The following TLL1 variants were observed in gnomAD, a reference collection of about 807,000 sequenced individuals.
TLL1 encodes the protein tolloid-like protein 1.
TLL1 carries 49 observed loss-of-function variants against 128.2 expected under a neutral mutation model. The observed-to-expected ratio is 0.38, with a 90% confidence interval of 0.30 to 0.48. The LOEUF is 0.48. TLL1 is among the 20% of genes least tolerant of loss of function. TLL1 has a pLI of 0.96. For synonymous variants in TLL1, 454 were observed against 418.8 expected (o/e 1.08, Z -1.03); for missense variants, 1,123 against 1,242.0 (o/e 0.90, Z 1.44).
chr4:166,013,421 G>A (rs1037105526), intron 7 of TLL1, among the ~76,000 whole-genome samples: 6 of 151,796 alleles, frequency 4.0e-5, no homozygotes, highest in Admixed American at 2.6e-4. Context: ...TTTAATGCAA[G>A]CGTTAGTTTA....
At chr4:165,996,062 T>C (rs1468008130) in intron 5 of TLL1, among the ~76,000 whole-genome samples, 1 of 152,208 alleles carries the variant, frequency 6.6e-6, no homozygotes, top group Non-Finnish European at 1.5e-5. Context: ...CATGATAGTT[T>C]TGATGCTTGG....
At chr4:165,994,136 T>A (rs941457404) in intron 3 of TLL1, among the ~76,000 whole-genome samples, 1 of 152,158 alleles carries the variant, frequency 6.6e-6, no homozygotes, top group African/African-American at 2.4e-5. Context: ...GGCTGTTGTA[T>A]GGATATCCAA....
chr4:165,973,032 C>T (rs1560782418), intron 1 of TLL1, among the ~76,000 whole-genome samples: 2 of 152,216 alleles, frequency 1.3e-5, no homozygotes, highest in East Asian at 3.9e-4. Context: ...TAATGCAGGT[C>T]CGTGCTTTAT....
chr4:166,045,933 A>T (rs895725114), intron 12 of TLL1, among the ~76,000 whole-genome samples: 4 of 152,156 alleles, frequency 2.6e-5, no homozygotes, highest in African/African-American at 9.7e-5. Context: ...TTACCTCTAA[A>T]TCATCACTCT....
chr4:165,940,352 A>G (rs1026960557), intron 1 of TLL1, among the ~76,000 whole-genome samples: 8 of 151,780 alleles, frequency 5.3e-5, no homozygotes, highest in Non-Finnish European at 1.0e-4. Flanking sequence ...AATTTGAACT[A>G]TTTTTTTCTC....
chr4:165,880,952 T>C (rs1730942413), intron 1 of TLL1, among the ~76,000 whole-genome samples: 1 of 152,178 alleles, frequency 6.6e-6, no homozygotes. Context: ...ATTGGGATAA[T>C]CTCAGTTTCT....
chr4:165,938,056 G>A lies in TLL1; in HGVS notation c.170-51325G>A, dbSNP rs145464672. Among the ~76,000 whole-genome samples the A allele has an allele frequency of 1.4e-4, 22 of 151,804 alleles. No individual in the cohort carries two copies. In the East Asian group the frequency reaches 3.7e-3, roughly 25 times the overall value. On this transcript the variant is annotated intron_variant, in intron 1 of 20. Coordinates refer to ENST00000061240, the MANE Select transcript of TLL1 (RefSeq NM_012464.5). ...TTATGTATTAACGTTGGCATTACGG[G>A]TTGATACTTTCTGGTACACCATGTG...
chr4:165,943,692 C>T (rs2110927054), intron 1 of TLL1, among the ~76,000 whole-genome samples: 1 of 152,032 alleles, frequency 6.6e-6, no homozygotes, highest in South Asian at 2.1e-4. Flanking sequence ...TATTACTGAC[C>T]TCATCACTTA....
intron 12 of TLL1, among the ~76,000 whole-genome samples, chr4:166,045,315 C>A (rs529899597): frequency 6.6e-6 from 1 of 152,174 alleles, no homozygotes; most frequent in Admixed American, 6.5e-5. Context: ...ACTTACTAAA[C>A]CCACTCTTCT....
chr4:166,036,789 CTGTGTGTGTGTGTGTGTGTGTGTG>C (rs3047083), intron 9 of TLL1, among the ~76,000 whole-genome samples: 1 of 145,122 alleles, frequency 6.9e-6, no homozygotes, highest in Non-Finnish European at 1.5e-5. Context: ...CCCTATCCAA[CTGTGTGTGTGTGTGTGTGTGTGTG>C]TGTGTGTGTG....
chr4:165,877,651 A>G (rs924988179), intron 1 of TLL1, among the ~76,000 whole-genome samples: 1 of 152,186 alleles, frequency 6.6e-6, no homozygotes, highest in Non-Finnish European at 1.5e-5. Flanking sequence ...TACAGATTAC[A>G]TGGAAAAGCA....
intron 1 of TLL1, among the ~76,000 whole-genome samples, chr4:165,919,100 G>A (rs1732913317): frequency 1.3e-5 from 2 of 151,998 alleles, no homozygotes; most frequent in East Asian, 1.9e-4. Context: ...TGGAAGAATA[G>A]GCCAGGCACA....
At chr4:165,982,570 G>T (rs560517710) in intron 1 of TLL1, among the ~76,000 whole-genome samples, 2 of 151,568 alleles carry the variant, frequency 1.3e-5, no homozygotes, top group Non-Finnish European at 3.0e-5. Context: ...GTGCCAAAAG[G>T]GAAGTCTTTT....
At chr4:165,947,590 G>T (rs370327611) in intron 1 of TLL1, among the ~76,000 whole-genome samples, 1 of 152,070 alleles carries the variant, frequency 6.6e-6, no homozygotes, top group Non-Finnish European at 1.5e-5. Flanking sequence ...AAAGGCTAAC[G>T]ATATGATTGT....
At chr4:165,964,154 T>C (rs1735256178) in intron 1 of TLL1, among the ~76,000 whole-genome samples, 1 of 152,182 alleles carries the variant, frequency 6.6e-6, no homozygotes, top group Non-Finnish European at 1.5e-5. Flanking sequence ...GGTTAAATAC[T>C]TGGGCTCTGG....
At chr4:166,051,391 C>G (rs1739727050) in intron 12 of TLL1, among the ~76,000 whole-genome samples, 1 of 149,374 alleles carries the variant, frequency 6.7e-6, no homozygotes, top group Non-Finnish European at 1.5e-5. Flanking sequence ...AAATCATCGC[C>G]TTTGGTGTTC....
At chr4:165,930,096 G>A (rs1325571871) in intron 1 of TLL1, among the ~76,000 whole-genome samples, 1 of 152,028 alleles carries the variant, frequency 6.6e-6, no homozygotes, top group African/African-American at 2.4e-5. Context: ...TTACTGATTT[G>A]GCCACTAAGT....
chr4:165,998,637 CA>C (rs1317015148), intron 5 of TLL1, among the ~76,000 whole-genome samples: 3,227 of 147,864 alleles, frequency 0.022, 120 homozygotes, highest in African/African-American at 0.076. Flanking sequence ...ACTAAAAATA[CA>C]AAAAAAAAAT....
chr4:165,884,025 C>T (rs1347491107), intron 1 of TLL1, among the ~76,000 whole-genome samples: 1 of 152,184 alleles, frequency 6.6e-6, no homozygotes. Flanking sequence ...TAGATATTCA[C>T]AATCTATGTT....
Sources: allele counts gnomAD v4.1 joint callset (sites outside exome capture counted in the v4.1 genomes callset), GRCh38; gene constraint gnomAD v4.1.1; transcripts MANE v1.5; gene names NCBI Gene and HGNC (gene_info 2026-07-23, HGNC 2026-07-21).